The following RANBP2 variants were observed in gnomAD, a reference collection of about 807,000 sequenced individuals.
RANBP2 encodes the protein RAN binding protein 2, also known as E3 SUMO-protein ligase RanBP2.
A neutral mutation model predicts 303.6 loss-of-function variants in RANBP2; 57 were observed. That is an observed-to-expected ratio of 0.19 (90% confidence interval 0.15 to 0.23). RANBP2 has a LOEUF of 0.23. RANBP2 is among the 10% of genes least tolerant of loss of function. The probability of loss-of-function intolerance (pLI) is 1.00; values close to 1 mark genes in which losing one functional copy is unlikely to be tolerated. For synonymous variants in RANBP2, 1,167 were observed against 1,301.5 expected (o/e 0.90, Z 2.23); for missense variants, 3,138 against 3,780.8 (o/e 0.83, Z 4.46).
At chr2:109,331,116 A>G in the RANBP2 span, among the ~76,000 whole-genome samples, 3 of 152,208 alleles carry the variant, frequency 2.0e-5, no homozygotes. Flanking sequence ...CAAGATGGCC[A>G]GGAGATAAAC....
the RANBP2 span, among the ~76,000 whole-genome samples, chr2:108,961,408 G>A: frequency 6.6e-6 from 1 of 152,126 alleles, no homozygotes; most frequent in Non-Finnish European, 1.5e-5. Flanking sequence ...GGCAGGCAGG[G>A]AGGAGCCAGC....
chr2:109,427,674 G>A, the RANBP2 span, among the ~76,000 whole-genome samples: 8 of 152,338 alleles, frequency 5.3e-5, no homozygotes, highest in Admixed American at 1.3e-4. Flanking sequence ...CCTCACAGCC[G>A]TGCCACCCCA....
At position 108,766,197 on chromosome 2, in the gene RANBP2, A is replaced by G; in HGVS notation, c.5658A>G (p.Lys1886=). ...GSSNTEFKST[K]EGFSIPVSAD... ...CTAATACAGAATTTAAGTCAACCAA[A>G]GAAGGATTTTCCATCCCTGTGTCTG... The change falls in exon 20 of 29, where the codon AAA becomes AAG. Residue 1886 remains lysine, a synonymous_variant. Coordinates refer to ENST00000283195, the MANE Select transcript of RANBP2 (RefSeq NM_006267.5). 3 of 1,612,242 alleles carry G rather than the reference A, an allele frequency of 1.9e-6. No homozygotes were observed. The highest frequency in any genetic ancestry group is 1.7e-6 in the Non-Finnish European group (2 of 1,179,986).
the RANBP2 span, among the ~76,000 whole-genome samples, chr2:109,723,528 T>C: frequency 6.6e-6 from 1 of 152,198 alleles, no homozygotes; most frequent in African/African-American, 2.4e-5. Flanking sequence ...TCAGTGATGT[T>C]GAGCTTTTTT....
chr2:109,051,353 C>T, the RANBP2 span, among the ~76,000 whole-genome samples: 80 of 152,242 alleles, frequency 5.3e-4, no homozygotes, highest in African/African-American at 1.8e-3. Flanking sequence ...AAGTTTCACC[C>T]CCTGCCCCAT....
the RANBP2 span, among the ~76,000 whole-genome samples, chr2:108,970,624 T>C: frequency 1.3e-5 from 2 of 151,850 alleles, no homozygotes; most frequent in Non-Finnish European, 2.9e-5. Context: ...AGGTCTAAGG[T>C]TGTGGGAATA....
the RANBP2 span, among the ~76,000 whole-genome samples, chr2:108,815,461 G>GTTTGT: frequency 2.8e-5 from 2 of 70,700 alleles, no homozygotes; most frequent in Non-Finnish European, 5.0e-5. Context: ...GGTTTTTGGT[G>GTTTGT]TTTTTTTTTT....
At chr2:109,585,917 G>T in the RANBP2 span, 1 of 949,770 alleles carries the variant, frequency 1.1e-6, no homozygotes, top group South Asian at 1.5e-5. Flanking sequence ...ACACTTGAAG[G>T]ACAAATATAT....
the RANBP2 span, among the ~76,000 whole-genome samples, chr2:109,603,397 G>T: frequency 2.0e-5 from 3 of 152,036 alleles, no homozygotes; most frequent in Non-Finnish European, 4.4e-5. Flanking sequence ...GCCACGCCTG[G>T]CTAATTTTTT....
the RANBP2 span, chr2:109,545,042 G>A: frequency 3.0e-6 from 3 of 985,410 alleles, no homozygotes; most frequent in Admixed American, 6.1e-5. Flanking sequence ...AATGGGCCAA[G>A]GTTATGTTTT....
the RANBP2 span, chr2:108,812,739 A>C: frequency 5.0e-6 from 8 of 1,607,336 alleles, no homozygotes; most frequent in Non-Finnish European, 6.0e-6. Flanking sequence ...TACAGACAGA[A>C]GTATGTTTTT....
At chr2:108,753,593 TTTTA>T (rs745962361) in intron 14 of RANBP2, 30 bp downstream of exon 14, 5 of 1,600,770 alleles carry the variant, frequency 3.1e-6, no homozygotes, top group East Asian at 4.5e-5. Flanking sequence ...GAGCTAAAAG[TTTTA>T]TTTATTTATT....
chr2:109,732,725 A>T, the RANBP2 span: 1 of 644,266 alleles, frequency 1.6e-6, no homozygotes, highest in Non-Finnish European at 3.0e-6. Flanking sequence ...GCCTTGGTTT[A>T]TGTAGGTTTA....
At chr2:109,591,185 C>T in the RANBP2 span, among the ~76,000 whole-genome samples, 6 of 152,058 alleles carry the variant, frequency 3.9e-5, no homozygotes, top group Non-Finnish European at 5.9e-5. Flanking sequence ...GCTTCTTCCT[C>T]GTGAAAGTGT....
chr2:109,467,479 G>C, the RANBP2 span, among the ~76,000 whole-genome samples: 1 of 152,222 alleles, frequency 6.6e-6, no homozygotes, highest in Non-Finnish European at 1.5e-5. Flanking sequence ...GGGACTGGAA[G>C]AAGCCCTGGA....
the RANBP2 span, among the ~76,000 whole-genome samples, chr2:109,671,651 G>A: frequency 2.0e-5 from 3 of 152,140 alleles, no homozygotes; most frequent in East Asian, 5.8e-4. Flanking sequence ...GACAATTTAG[G>A]GGGTGTATCT....
intron 7 of RANBP2, among the ~76,000 whole-genome samples, chr2:108,743,684 A>AT (rs1438472422): frequency 6.6e-6 from 1 of 152,160 alleles, no homozygotes; most frequent in African/African-American, 2.4e-5. Context: ...GTTCAGAAAT[A>AT]TTTTTTGCAT....
chr2:108,811,021 G>C, the RANBP2 span, among the ~76,000 whole-genome samples: 1,034 of 151,826 alleles, frequency 6.8e-3, 13 homozygotes, highest in African/African-American at 0.024. Flanking sequence ...TATTTCTGTG[G>C]TACTGCTTGT....
chr2:109,447,209 A>G, the RANBP2 span, among the ~76,000 whole-genome samples: 4 of 151,690 alleles, frequency 2.6e-5, no homozygotes, highest in Non-Finnish European at 5.9e-5. Flanking sequence ...AAAAACCCAC[A>G]TAAATCAGCC....
Sources: gnomAD v4.1 joint callset for allele counts (sites outside exome capture counted in the v4.1 genomes callset) on GRCh38, gnomAD v4.1.1 for gene constraint, MANE v1.5 for transcripts, NCBI Gene and HGNC (gene_info 2026-07-23, HGNC 2026-07-21) for gene names.